SALL3: variants seen among roughly 807,000 people sequenced by gnomAD.
SALL3 encodes spalt like transcription factor 3.
A neutral mutation model predicts 66.2 loss-of-function variants in SALL3; 25 were observed. That is an observed-to-expected ratio of 0.38 (90% confidence interval 0.28 to 0.53). The LOEUF (loss-of-function observed/expected upper bound fraction) is 0.53, where lower values mean the gene tolerates loss of function less well. SALL3 is among the 20% of genes least tolerant of loss of function. The probability of loss-of-function intolerance (pLI) is 0.85; values close to 1 mark genes in which losing one functional copy is unlikely to be tolerated. For synonymous variants in SALL3, 1,152 were observed against 899.1 expected (o/e 1.28, Z -5.03); for missense variants, 2,194 against 1,916.5 (o/e 1.14, Z -2.70).
chr18:78,980,167 GCCGCCCCGCGCC>G lies in SALL3; in HGVS notation c.-103_-92del, dbSNP rs1391055847. ...CCCATGCGCGGCCCGCGCAGCCGCCGCCGCCCCGCGCCCCGCGCCGCGCGCCCGCCAGGCCGC... is the reference window on the plus strand; with the variant it reads ...CCCATGCGCGGCCCGCGCAGCCGCCGCCGCGCCGCGCGCCCGCCAGGCCGC... On this transcript the variant is annotated 5_prime_UTR_variant, in exon 1 of 3. Coordinates refer to ENST00000537592, the MANE Select transcript of SALL3 (RefSeq NM_171999.4). 4.4e-6 allele frequency: 1 copy of G among 229,330 alleles called. No homozygotes were observed. The highest frequency in any genetic ancestry group is 7.0e-6 in the Non-Finnish European group (1 of 142,402). The allele number at this position is 229,330 out of a possible 1,614,324, so 14.2% of individuals were successfully genotyped here. A position where few individuals can be genotyped will look rare whatever the true frequency, so the allele number is the denominator to read the frequency against.
chr18:78,992,637 C>A lies in SALL3; in HGVS notation c.646C>A (p.Gln216Lys), dbSNP rs2146215198. Residue 216 changes from glutamine (Q) to lysine (K), a missense_variant, in exon 2 of 3, where the codon CAG becomes AAG. Coordinates refer to ENST00000537592, the MANE Select transcript of SALL3 (RefSeq NM_171999.4). ...ACAGCTCATGGCCCTGCAGCAGCAG[C>A]AGATCCACCAGCTGCAGCTCATCGA... The part of the protein sequence containing the change: ...LEQLMALQQQ[Q>K]IHQLQLIEQI... The A allele has an allele frequency of 6.5e-7, 1 of 1,549,762 alleles. No homozygotes were observed. The highest frequency in any genetic ancestry group is 8.7e-7 in the Non-Finnish European group (1 of 1,154,340).
chr18:78,986,612 GA>G (rs752526314), intron 1 of SALL3, among the ~76,000 whole-genome samples: 2 of 152,194 alleles, frequency 1.3e-5, no homozygotes, highest in East Asian at 1.9e-4. Flanking sequence ...AGGAAAACTG[GA>G]AAAAAATGCT....
At position 78,996,924 on chromosome 18, in the gene SALL3, C is replaced by G. The variant is rs1455998833; in HGVS notation, c.3505C>G (p.Pro1169Ala). The part of the protein sequence containing the change: ...HMGTHMWNNA[P>A]ARRGRRLSVE... Reference sequence around the variant, plus strand: ...GGGGACACACATGTGGAATAACGCCCCCGCGAGACGCGGCCGCCGCCTGTC... The same window carrying G: ...GGGGACACACATGTGGAATAACGCCGCCGCGAGACGCGGCCGCCGCCTGTC... The change falls in exon 3 of 3, where the codon CCC (proline) becomes GCC (alanine). Residue 1169 changes from proline (P) to alanine (A), a missense_variant. Coordinates refer to ENST00000537592, the MANE Select transcript of SALL3 (RefSeq NM_171999.4). The G allele has an allele frequency of 4.3e-6, 7 of 1,612,632 alleles. No individual in the cohort carries two copies. The highest frequency in any genetic ancestry group is 5.1e-6 in the Non-Finnish European group (6 of 1,179,542).
chr18:78,981,496 A>G (rs930065043), intron 1 of SALL3, among the ~76,000 whole-genome samples: 2 of 152,238 alleles, frequency 1.3e-5, no homozygotes, highest in Non-Finnish European at 2.9e-5. Flanking sequence ...ACGGGGCGGA[A>G]GAGTTTCCCA....
At chr18:78,995,790 C>T (rs554664484) in intron 2 of SALL3, among the ~76,000 whole-genome samples, 5 of 152,070 alleles carry the variant, frequency 3.3e-5, no homozygotes, top group South Asian at 2.1e-4. Context: ...ATGTGCATGT[C>T]GTGTGTGGTG....
intron 1 of SALL3, among the ~76,000 whole-genome samples, chr18:78,981,672 A>G (rs80120081): frequency 4.3e-3 from 649 of 152,340 alleles, no homozygotes; most frequent in African/African-American, 0.015. Flanking sequence ...TGTGTAGCCA[A>G]GTCAGCCAAG....
intron 1 of SALL3, among the ~76,000 whole-genome samples, chr18:78,983,462 T>C (rs1914141738): frequency 6.6e-6 from 1 of 152,226 alleles, no homozygotes; most frequent in African/African-American, 2.4e-5. Context: ...TATTATAATT[T>C]AAAACCATTT....
chr18:78,981,712 C>T (rs1380826664), intron 1 of SALL3, among the ~76,000 whole-genome samples: 1 of 152,116 alleles, frequency 6.6e-6, no homozygotes, highest in Non-Finnish European at 1.5e-5. Context: ...TAAAAAGAAA[C>T]GCTTGCATAT....
At chr18:78,984,051 T>TAGG (rs1208700347) in intron 1 of SALL3, among the ~76,000 whole-genome samples, 2 of 152,218 alleles carry the variant, frequency 1.3e-5, no homozygotes, top group African/African-American at 4.8e-5. Context: ...TTATCCAATA[T>TAGG]TTTTAGATCT....
intron 1 of SALL3, among the ~76,000 whole-genome samples, chr18:78,986,770 T>C (rs186687957): frequency 2.5e-4 from 38 of 152,360 alleles, no homozygotes; most frequent in African/African-American, 8.9e-4. Flanking sequence ...CTCTTGTTCA[T>C]TGTAATGAGT....
chr18:78,983,108 G>A (rs1195428618), intron 1 of SALL3, among the ~76,000 whole-genome samples: 1 of 151,726 alleles, frequency 6.6e-6, no homozygotes, highest in Admixed American at 6.5e-5. Context: ...TTTATGTAAA[G>A]TTCTAAAGTC....
intron 1 of SALL3, 94 bp downstream of exon 1, chr18:78,980,450 G>A: frequency 1.3e-6 from 1 of 764,610 alleles, no homozygotes; most frequent in East Asian, 4.2e-5. Flanking sequence ...GCGCGTCCGG[G>A]AGCGGGAGAA....
At chr18:78,995,577 G>C (rs1914662993) in intron 2 of SALL3, 115 bp downstream of exon 2, 1 of 1,426,548 alleles carries the variant, frequency 7.0e-7, no homozygotes, top group South Asian at 1.5e-5. Context: ...TGGCCAGGGG[G>C]GTGAGATGCC....
intron 2 of SALL3, among the ~76,000 whole-genome samples, chr18:78,996,224 G>A (rs1436047520): frequency 1.3e-5 from 2 of 152,208 alleles, no homozygotes; most frequent in Non-Finnish European, 2.9e-5. Context: ...GGTGTGTGAC[G>A]AGTACTGGGT....
rs139777889 is a variant in SALL3 at position 78,994,584 on chromosome 18, G to A, written c.2593G>A (p.Val865Met). ...SCQQLTGLKSVENGSGESDRL... is the reference protein window; with the variant it reads ...SCQQLTGLKSMENGSGESDRL... The stretch of plus-strand genomic sequence containing the variant: ...CCAGCAGCTGACCGGCCTCAAGTCC[G>A]TGGAGAACGGGTCCGGGGAGAGTGA... Residue 865 changes from valine (V) to methionine (M), a missense_variant, in exon 2 of 3, where the codon GTG (valine) becomes ATG (methionine). Val to Met is a conservative substitution (Grantham distance 21, BLOSUM62 1). Coordinates refer to ENST00000537592, the MANE Select transcript of SALL3 (RefSeq NM_171999.4). The A allele has an allele frequency of 7.5e-3, 12,008 of 1,610,990 alleles. 65 individuals carry two copies. The highest frequency in any genetic ancestry group is 0.013 in the Middle Eastern group (76 of 6,048).
At chr18:78,995,571 CA>C (rs1914662650) in intron 2 of SALL3, 109 bp downstream of exon 2, 2 of 1,440,922 alleles carry the variant, frequency 1.4e-6, no homozygotes, top group Non-Finnish European at 1.8e-6. Flanking sequence ...CTATCCTGGC[CA>C]GGGGGGTGAG....
In SALL3 at chr18:78,993,839, G is replaced by A. The variant is rs1332241136; in HGVS notation, c.1848G>A (p.Gln616=). The change falls in exon 2 of 3, where the codon CAG becomes CAA. Residue 616 remains glutamine, a synonymous_variant. Coordinates refer to ENST00000537592, the MANE Select transcript of SALL3 (RefSeq NM_171999.4). ...ARAGDAPVGA[Q]ASAAPTSVDG... is the part of the protein sequence containing the mutation. The stretch of plus-strand genomic sequence containing the variant: ...CCGGGGACGCTCCCGTGGGCGCGCA[G>A]GCTAGCGCTGCACCCACATCGGTGG... The A allele has an allele frequency of 6.4e-7, 1 of 1,559,338 alleles. No individual in the cohort carries two copies. The highest frequency in any genetic ancestry group is 8.7e-7 in the Non-Finnish European group (1 of 1,154,670).
intron 1 of SALL3, among the ~76,000 whole-genome samples, chr18:78,981,214 A>G (rs1313565313): frequency 2.6e-5 from 4 of 152,114 alleles, no homozygotes; most frequent in Non-Finnish European, 2.9e-5. Flanking sequence ...TTAGCCCCGC[A>G]AAGTTTGGGG....
At position 78,992,475 on chromosome 18, in the gene SALL3, C is replaced by T. The variant is rs2146214893; in HGVS notation, c.484C>T (p.Pro162Ser). Residue 162 changes from proline (P) to serine (S), a missense_variant, in exon 2 of 3, where the codon CCC becomes TCC. By Grantham distance (74) the Pro-to-Ser change is moderately conservative. Transcript: ENST00000537592. ...ACCCCCAACGCCCGCCTACGGCGCG[C>T]CCAGCACCAACGTGACCCTGGAGGC... ...PAPPTPAYGA[P>S]STNVTLEALL... 6.9e-7 allele frequency: 1 copy of T among 1,457,388 alleles called. No homozygotes were observed. Among genetic ancestry groups the T allele is most frequent in the Non-Finnish European group, 9.0e-7 (1 of 1,108,688 alleles). The allele number at this position is 1,457,388 out of a possible 1,614,324, so 90.3% of individuals were successfully genotyped here.
Sources: gnomAD v4.1 joint callset for allele counts (sites outside exome capture counted in the v4.1 genomes callset) on GRCh38, gnomAD v4.1.1 for gene constraint, MANE v1.5 for transcripts, NCBI Gene and HGNC (gene_info 2026-07-23, HGNC 2026-07-21) for gene names.